ZFHX3: variants seen among roughly 807,000 people sequenced by gnomAD.
ZFHX3 encodes zinc finger homeobox protein 3.
ZFHX3 carries 42 observed loss-of-function variants against 279.1 expected under a neutral mutation model. The observed-to-expected ratio is 0.15, with a 90% CI of 0.12 to 0.19. The LOEUF is 0.19. Among genes scored for constraint, ZFHX3 ranks in the 10% least tolerant of loss-of-function variants. ZFHX3 has a pLI of 1.00. For synonymous variants in ZFHX3, 2,293 were observed against 1,957.8 expected (o/e 1.17, Z -4.52); for missense variants, 4,981 against 4,754.0 (o/e 1.05, Z -1.40).
chr16:73,394,103 C>T (rs889347846), intron 3 of ZFHX3, among the ~76,000 whole-genome samples: 41 of 150,678 alleles, frequency 2.7e-4, no homozygotes, highest in South Asian at 2.3e-3. Flanking sequence ...CAATTGATTT[C>T]ACCACCAGTT....
At position 72,788,774 on chromosome 16, in the gene ZFHX3, C is replaced by T; in HGVS notation, c.9502G>A (p.Gly3168Arg). The T allele has an allele frequency of 1.3e-6, 2 of 1,558,426 alleles. No individual in the cohort carries two copies. Among genetic ancestry groups the T allele is most frequent in the Non-Finnish European group, 1.7e-6 (2 of 1,154,356 alleles). Residue 3168 changes from glycine (G) to arginine (R), a missense_variant, in exon 10 of 10, where the codon GGA becomes AGA. Physicochemically the swap from Gly to Arg is moderately radical, Grantham distance 125 (BLOSUM62 -2). Transcript: ENST00000268489. ...TVPSPGLPTS[G>R]LPNKPSSASL... The stretch of plus-strand genomic sequence containing the variant: ...GCTGAGGACGGTTTATTTGGTAATC[C>T]AGAAGTGGGGAGGCCAGGGGAAGGA...
chr16:73,636,973 T>C (rs1264389773), intron 2 of ZFHX3, among the ~76,000 whole-genome samples: 2 of 152,006 alleles, frequency 1.3e-5, no homozygotes, highest in African/African-American at 4.8e-5. Context: ...ACAAACATGA[T>C]ATAATAAGGA....
intron 4 of ZFHX3, among the ~76,000 whole-genome samples, chr16:72,874,472 G>A (rs1489449582): frequency 6.6e-6 from 1 of 151,198 alleles, no homozygotes; most frequent in Non-Finnish European, 1.5e-5. Flanking sequence ...AAAGTGCTGA[G>A]ATTGTAGGCG....
intron 3 of ZFHX3, among the ~76,000 whole-genome samples, chr16:73,395,018 T>G (rs911088797): frequency 6.6e-6 from 1 of 152,218 alleles, no homozygotes; most frequent in African/African-American, 2.4e-5. Context: ...AGGAGTGGTT[T>G]TGCCCCATAG....
chr16:72,906,592 T>A (rs949883175), intron 3 of ZFHX3, among the ~76,000 whole-genome samples: 4 of 151,800 alleles, frequency 2.6e-5, no homozygotes, highest in Non-Finnish European at 5.9e-5. Flanking sequence ...AGGTCAGGAG[T>A]TCGAGACCAG....
At chr16:73,081,195 G>A (rs558513382) in intron 8 of ZFHX3, 1 of 151,756 alleles carries the variant, frequency 6.6e-6, no homozygotes, top group South Asian at 2.1e-4. Context: ...TAACTAATTT[G>A]TACTTCATCT....
intron 5 of ZFHX3, among the ~76,000 whole-genome samples, chr16:73,199,659 C>A (rs1968227319): frequency 6.6e-6 from 1 of 152,148 alleles, no homozygotes; most frequent in Non-Finnish European, 1.5e-5. Flanking sequence ...ATCACTGAGT[C>A]CACTAGAGAG....
intron 5 of ZFHX3, among the ~76,000 whole-genome samples, chr16:73,204,219 G>A (rs1339663633): frequency 2.6e-5 from 4 of 151,660 alleles, no homozygotes; most frequent in Admixed American, 6.6e-5. Context: ...GTTTGGGGAT[G>A]AATCAAGCGC....
chr16:73,719,243 G>T (rs146699225), intron 1 of ZFHX3, among the ~76,000 whole-genome samples: 32 of 152,308 alleles, frequency 2.1e-4, no homozygotes, highest in Non-Finnish European at 3.2e-4. Context: ...GTGAACCATA[G>T]TAAGAATCTA....
Position 73,461,485 on chromosome 16 carries a change from CTCT to C in ZFHX3, c.-1546-5230_-1546-5228del, listed in dbSNP as rs536398545. On this transcript the variant is annotated intron_variant, in intron 2 of 17. Coordinates refer to the ZFHX3 transcript ENST00000641206. Reference sequence around the variant, plus strand: ...TGTAGTCCTAGATCCTGAAGATTTTCTCTTCTTTTTTCTAAAAGTTGTATAGTT... The same window carrying C: ...TGTAGTCCTAGATCCTGAAGATTTTCTCTTTTTTCTAAAAGTTGTATAGTT... 2.2e-4 allele frequency among the ~76,000 whole-genome samples: 33 copies of C among 152,282 alleles called. No individual in the cohort carries two copies. The South Asian group carries it at 6.4e-3, about 30-fold the overall frequency.
intron 1 of ZFHX3, among the ~76,000 whole-genome samples, chr16:73,736,074 G>A (rs1418421431): frequency 6.6e-6 from 1 of 152,000 alleles, no homozygotes; most frequent in Non-Finnish European, 1.5e-5. Context: ...TGGGCCAGAT[G>A]CACACACAGC....
At chr16:72,925,792 G>C (rs928942046) in intron 3 of ZFHX3, among the ~76,000 whole-genome samples, 1 of 152,236 alleles carries the variant, frequency 6.6e-6, no homozygotes, top group Non-Finnish European at 1.5e-5. Flanking sequence ...AGAGGGGCTG[G>C]AACGGGCACC....
chr16:73,321,509 A>T (rs1460902187), intron 3 of ZFHX3, among the ~76,000 whole-genome samples: 2 of 152,236 alleles, frequency 1.3e-5, no homozygotes, highest in African/African-American at 2.4e-5. Flanking sequence ...CAGTTGCAGC[A>T]TACAGCATTG....
At chr16:72,813,036 C>G (rs1280182233) in intron 5 of ZFHX3, among the ~76,000 whole-genome samples, 2 of 152,170 alleles carry the variant, frequency 1.3e-5, no homozygotes, top group African/African-American at 2.4e-5. Context: ...AAGGGTTTAT[C>G]CAGGATAAGC....
chr16:72,860,721 C>T (rs922064101), intron 4 of ZFHX3, among the ~76,000 whole-genome samples: 11 of 152,160 alleles, frequency 7.2e-5, no homozygotes, highest in Admixed American at 7.2e-4. Flanking sequence ...TCAGCTACCA[C>T]GCCCAGCCAA....
intron 1 of ZFHX3, among the ~76,000 whole-genome samples, chr16:73,840,577 T>C (rs1170366027): frequency 6.6e-6 from 1 of 152,206 alleles, no homozygotes; most frequent in Non-Finnish European, 1.5e-5. Context: ...GGATTTAATG[T>C]TCCCTGTGTT....
At chr16:73,261,600 G>T (rs1227315723) in intron 4 of ZFHX3, among the ~76,000 whole-genome samples, 23 of 150,894 alleles carry the variant, frequency 1.5e-4, no homozygotes, top group Admixed American at 1.5e-3. Context: ...CAAGAAAATT[G>T]GCTAGCTAAA....
chr16:73,624,642 G>GAA lies in ZFHX3; in HGVS notation c.-1547+55536_-1547+55537dup, dbSNP rs34274078. Among the ~76,000 whole-genome samples the GAA allele has an allele frequency of 8.9e-4, 130 of 146,208 alleles. 1 individual carries two copies. Among genetic ancestry groups the GAA allele is most frequent in the Middle Eastern group, 3.5e-3 (1 of 286 alleles). ...CAGATAATAAAGAATCTATCCCCCA[G>GAA]AAAAAAAAAAAGGAAAGAAAGAAAG... On this transcript the variant is annotated intron_variant, in intron 2 of 17. Coordinates refer to the ZFHX3 transcript ENST00000641206.
chr16:72,795,495 G>A lies in ZFHX3; in HGVS notation c.7187C>T (p.Pro2396Leu), dbSNP rs753065299. 1.2e-6 allele frequency: 2 copies of A among 1,614,152 alleles called. No homozygotes were observed. The highest frequency in any genetic ancestry group is 2.2e-5 in the South Asian group (2 of 91,072). ...MPSQAYSAPA[P>L]SANNTASSAF... ...GGAGGAAGCTGTATTATTGGCTGAT[G>A]GTGCTGGGGCGCTGTAAGCCTGTGA... The change falls in exon 9 of 10, where the codon CCA becomes CTA. Residue 2396 changes from proline to leucine, a missense_variant. By Grantham distance (98) the Pro-to-Leu change is moderately conservative. Transcript: ENST00000268489.
Sources: gnomAD v4.1 joint callset for allele counts (sites outside exome capture counted in the v4.1 genomes callset) on GRCh38, gnomAD v4.1.1 for gene constraint, MANE v1.5 for transcripts, NCBI Gene and HGNC (gene_info 2026-07-23, HGNC 2026-07-21) for gene names.